The following FER variants were observed in gnomAD, a reference collection of about 807,000 sequenced individuals.
FER encodes the protein FER tyrosine kinase.
A neutral mutation model predicts 111.0 loss-of-function variants in FER; 63 were observed. The observed-to-expected ratio is 0.57, with a 90% CI of 0.46 to 0.70. The LOEUF is 0.70. Among genes scored for constraint, FER ranks in the 30% least tolerant of loss-of-function variants. The pLI is 0.00. For missense variants in FER, 914 were observed against 954.0 expected (o/e 0.96, Z 0.55); for synonymous variants, 327 against 313.9 (o/e 1.04, Z -0.44).
At chr5:109,137,194 G>A (rs1280642219) in intron 17 of FER, among the ~76,000 whole-genome samples, 2 of 152,152 alleles carry the variant, frequency 1.3e-5, no homozygotes, top group Non-Finnish European at 2.9e-5. Flanking sequence ...GGTAAGTCAT[G>A]AAAGGATTTT....
At chr5:108,862,740 A>G (rs1048016234) in intron 5 of FER, among the ~76,000 whole-genome samples, 3 of 152,080 alleles carry the variant, frequency 2.0e-5, no homozygotes, top group Non-Finnish European at 4.4e-5. Flanking sequence ...GAATTAACTT[A>G]TCTGGTTAAT....
At chr5:109,085,023 A>G (rs919456753) in intron 16 of FER, among the ~76,000 whole-genome samples, 2 of 151,856 alleles carry the variant, frequency 1.3e-5, no homozygotes, top group Admixed American at 1.3e-4. Flanking sequence ...AACTCCTCAC[A>G]GTTTGTTCTT....
At chr5:108,952,201 CAAAGAA>C (rs1757847195) in intron 11 of FER, among the ~76,000 whole-genome samples, 1 of 152,000 alleles carries the variant, frequency 6.6e-6, no homozygotes, top group Admixed American at 6.6e-5. Flanking sequence ...AACTTACCAA[CAAAGAA>C]AAACCCTGTC....
chr5:109,135,275 C>A (rs184299810), intron 17 of FER, among the ~76,000 whole-genome samples: 3 of 152,130 alleles, frequency 2.0e-5, no homozygotes, highest in Non-Finnish European at 2.9e-5. Flanking sequence ...TTAATCCTCA[C>A]AAAATCCTTG....
At chr5:109,130,926 A>C (rs572802957) in intron 17 of FER, among the ~76,000 whole-genome samples, 1 of 152,274 alleles carries the variant, frequency 6.6e-6, no homozygotes, top group South Asian at 2.1e-4. Flanking sequence ...GTTTATTTGC[A>C]GTTTCTAACT....
At chr5:108,998,667 G>T (rs1416752802) in intron 13 of FER, among the ~76,000 whole-genome samples, 1 of 152,162 alleles carries the variant, frequency 6.6e-6, no homozygotes, top group Non-Finnish European at 1.5e-5. Flanking sequence ...TTAACATGAA[G>T]GGATGTTGCA....
At chr5:108,844,988 GTGTGTGTGTATATATATATA>G (rs1761730264) in intron 5 of FER, among the ~76,000 whole-genome samples, 1 of 31,750 alleles carries the variant, frequency 3.1e-5, no homozygotes, top group Non-Finnish European at 5.8e-5. Flanking sequence ...TTGCTGGTGT[GTGTGTGTGTATATATATATA>G]TATATATATA....
chr5:109,049,710 A>G (rs1340531531), intron 16 of FER, among the ~76,000 whole-genome samples: 2 of 152,140 alleles, frequency 1.3e-5, no homozygotes, highest in Non-Finnish European at 2.9e-5. Context: ...CAAATTAGTA[A>G]TTTTCATTGT....
chr5:108,837,455 T>C (rs1201734227), intron 5 of FER, among the ~76,000 whole-genome samples: 1 of 152,178 alleles, frequency 6.6e-6, no homozygotes, highest in Non-Finnish European at 1.5e-5. Context: ...TCAAAATAGT[T>C]AATTTTATAA....
chr5:108,806,610 G>A (rs1757237090), intron 3 of FER, among the ~76,000 whole-genome samples: 1 of 152,212 alleles, frequency 6.6e-6, no homozygotes, highest in Non-Finnish European at 1.5e-5. Flanking sequence ...GCATCTGCGT[G>A]ACCTGGATGC....
chr5:108,854,946 CAAAAAAAAAA>C (rs34850507), intron 5 of FER, among the ~76,000 whole-genome samples: 14 of 36,644 alleles, frequency 3.8e-4, no homozygotes, highest in African/African-American at 1.0e-3. Flanking sequence ...GACCCTGTCT[CAAAAAAAAAA>C]AAAAAAAAAA....
At chr5:109,036,587 A>T (rs912506850) in intron 13 of FER, among the ~76,000 whole-genome samples, 3 of 151,958 alleles carry the variant, frequency 2.0e-5, no homozygotes, top group Admixed American at 1.3e-4. Flanking sequence ...AAATATATCA[A>T]CCAGGATACT....
chr5:108,801,955 A>C (rs895011265), intron 3 of FER, among the ~76,000 whole-genome samples: 1 of 152,224 alleles, frequency 6.6e-6, no homozygotes, highest in African/African-American at 2.4e-5. Context: ...GCATGGATAC[A>C]CTAGACAAAG....
At position 108,897,854 on chromosome 5, in the gene FER, C is replaced by CT; in HGVS notation, c.1236+7dup. 1 of 1,594,246 alleles carries CT rather than the reference C, an allele frequency of 6.3e-7. No homozygotes were observed. The highest frequency in any genetic ancestry group is 8.5e-7 in the Non-Finnish European group (1 of 1,172,210). Reference sequence around the variant, plus strand: ...CACGATCAGTTACATCTATGGTAAGCTAAAGAATAATCCAATGAGAAACTT... The same window carrying CT: ...CACGATCAGTTACATCTATGGTAAGCTTAAAGAATAATCCAATGAGAAACTT... On this transcript the variant is annotated splice_region_variant and intron_variant, in intron 10 of 19. Transcript: ENST00000281092.
chr5:108,803,710 A>G lies in FER; in HGVS notation c.207+5321A>G, dbSNP rs904757079. Among the ~76,000 whole-genome samples, 3 of 151,414 alleles carry G rather than the reference A, an allele frequency of 2.0e-5. No individual in the cohort carries two copies. The South Asian group carries it at 6.2e-4, about 31-fold the overall frequency. ...TGGTCTATGTGTCTTTTTTTGTACCACTACCATGCTGTTTTGGTTATTGTA... is the reference window on the plus strand; with the variant it reads ...TGGTCTATGTGTCTTTTTTTGTACCGCTACCATGCTGTTTTGGTTATTGTA... On this transcript the variant is annotated intron_variant, in intron 3 of 19. Transcript: ENST00000281092.
intron 17 of FER, among the ~76,000 whole-genome samples, chr5:109,143,554 T>TA (rs1480390245): frequency 6.6e-6 from 1 of 152,040 alleles, no homozygotes; most frequent in African/African-American, 2.4e-5. Context: ...TCAGAGGCCT[T>TA]ATCCGTGAAC....
rs1022367558 is a variant in FER at position 109,195,824 on chromosome 5, G to C, written c.*8249G>C. On this transcript the variant is annotated 3_prime_UTR_variant, in exon 20 of 20. Coordinates refer to ENST00000281092, the MANE Select transcript of FER (RefSeq NM_005246.4). ...CAGCTTCTTTAGTCAGACGTCTATA[G>C]ATTTTACATAAATTTACATTTAAAT... The C allele has an allele frequency of 6.6e-6, 1 of 152,176 alleles. No homozygotes were observed. The highest frequency in any genetic ancestry group is 2.4e-5 in the African/African-American group (1 of 41,446). The allele number at this position is 152,176 out of a possible 1,614,324, so 9.4% of individuals were successfully genotyped here.
rs1554148239 is a variant in FER, at chr5:109,146,208, T to TC, written c.2049-34539_2049-34538insC. ...AATACATATATATATAATCTATCTA[T>TC]TTTATATATATATATTATCTATCTA... On this transcript the variant is annotated intron_variant, in intron 17 of 19. Transcript: ENST00000281092. Among the ~76,000 whole-genome samples the TC allele has an allele frequency of 4.5e-4, 40 of 88,460 alleles. 4 individuals are homozygous for TC. Among genetic ancestry groups the TC allele is most frequent in the Non-Finnish European group, 8.5e-4 (33 of 38,660 alleles). The allele number at this position is 88,460 out of a possible 152,430, so 58.0% of individuals were successfully genotyped here.
At chr5:108,944,644 C>G (rs1561656838) in intron 10 of FER, among the ~76,000 whole-genome samples, 4 of 151,964 alleles carry the variant, frequency 2.6e-5, no homozygotes, top group African/African-American at 9.7e-5. Flanking sequence ...AAAGCTGATA[C>G]TAGATGTTAC....
Sources: gnomAD v4.1 joint callset for allele counts (sites outside exome capture counted in the v4.1 genomes callset) on GRCh38, gnomAD v4.1.1 for gene constraint, MANE v1.5 for transcripts, NCBI Gene and HGNC (gene_info 2026-07-23, HGNC 2026-07-21) for gene names.